Variants in MECR observed in about 807,000 individuals in gnomAD.
MECR encodes the protein enoyl-[acyl-carrier-protein] reductase, mitochondrial.
In MECR, 37 loss-of-function variants were observed where a neutral mutation model predicts 49.1. That is an observed-to-expected ratio of 0.75 (90% confidence interval 0.58 to 0.99). MECR has a LOEUF of 0.99. MECR is among the 50% of genes least tolerant of loss of function. The probability of loss-of-function intolerance (pLI) is 0.00; values close to 1 mark genes in which losing one functional copy is unlikely to be tolerated. For synonymous variants in MECR, 198 were observed against 191.1 expected, an observed-to-expected ratio of 1.04 and a Z score of -0.30; for missense variants, 470 against 479.6, an observed-to-expected ratio of 0.98 and a Z score of 0.19.
intron 5 of MECR, 139 bp from the exon 6 acceptor site, chr1:29,202,184 A>G: frequency 1.4e-6 from 1 of 711,320 alleles, no homozygotes; most frequent in Non-Finnish European, 2.4e-6. Flanking sequence ...AGGCTTGAGC[A>G]GGGACCAGCC....
chr1:29,174,287 A>C, the MECR span, among the ~76,000 whole-genome samples: 3 of 152,228 alleles, frequency 2.0e-5, no homozygotes, highest in African/African-American at 7.2e-5. Flanking sequence ...TGGAATAGCT[A>C]GCAAAAGCAT....
the MECR span, among the ~76,000 whole-genome samples, chr1:29,182,964 A>G: frequency 6.6e-6 from 1 of 152,244 alleles, no homozygotes; most frequent in Non-Finnish European, 1.5e-5. Flanking sequence ...GAAACATGGT[A>G]AGAGCTCAAT....
the MECR span, among the ~76,000 whole-genome samples, chr1:29,187,348 G>C: frequency 6.6e-6 from 1 of 151,860 alleles, no homozygotes; most frequent in Non-Finnish European, 1.5e-5. Flanking sequence ...GAGTAGCTGG[G>C]ACTACAGGCA....
At chr1:29,189,245 T>C (rs1279466364), downstream of MECR, among the ~76,000 whole-genome samples, 1 of 144,234 alleles carries the variant, frequency 6.9e-6, no homozygotes, top group African/African-American at 2.9e-5. Flanking sequence ...CGAATTTTTA[T>C]ATTTTTAGTA....
In MECR at chr1:29,216,481, C is replaced by T. The variant is rs921106901; in HGVS notation, c.274+107G>A. 12 of 1,145,574 alleles carry T rather than the reference C, an allele frequency of 1.0e-5. No homozygotes were observed. In the African/African-American group the frequency reaches 1.8e-4, roughly 17 times the overall value. 71.0% of individuals were successfully genotyped at this position (1,145,574 alleles called of 1,614,324 possible). A position where few individuals can be genotyped will look rare whatever the true frequency, so the allele number is the denominator to read the frequency against. On this transcript the variant is annotated intron_variant, in intron 2 of 9. Transcript: ENST00000263702. ...TGCAGACGGCTCATCTGGAGAACAG[C>T]TGCTGCTAATCACAGGCATTTCACA...
At chr1:29,216,312 A>G (rs575874148) in intron 2 of MECR, among the ~76,000 whole-genome samples, 176 bp from the exon 3 acceptor site, 128 of 152,336 alleles carry the variant, frequency 8.4e-4, no homozygotes, top group African/African-American at 2.9e-3. Context: ...TTTAGTGTTC[A>G]TGGTTATCAT....
the MECR span, among the ~76,000 whole-genome samples, chr1:29,184,437 C>A: frequency 6.6e-6 from 1 of 152,284 alleles, no homozygotes; most frequent in South Asian, 2.1e-4. Flanking sequence ...GCCACCGCGC[C>A]CGGCAAGAAA....
chr1:29,221,404 A>G (rs1282374946), intron 1 of MECR, among the ~76,000 whole-genome samples: 1 of 152,204 alleles, frequency 6.6e-6, no homozygotes, highest in African/African-American at 2.4e-5. Context: ...TTTGAAGGAT[A>G]AATAGGCATT....
the MECR span, among the ~76,000 whole-genome samples, chr1:29,182,210 G>A: frequency 6.6e-6 from 1 of 152,232 alleles, no homozygotes; most frequent in South Asian, 2.1e-4. Context: ...GTGTGGTTTG[G>A]ATTTCGGAGC....
rs765731318 is a variant in MECR at position 29,216,092 on chromosome 1, C to T, written c.319G>A (p.Glu107Lys). The change falls in exon 3 of 10, where the codon GAA becomes AAA. Residue 107 changes from glutamate to lysine, a missense_variant. Transcript: ENST00000263702. ...LPELPAVGGN[E>K]GVAQVVAVGS... Reference sequence around the variant, plus strand: ...ACCGCTACCACCTGTGCAACACCTTCGTTCCCTCCAACAGCAGGCAGTTCA... The same window carrying T: ...ACCGCTACCACCTGTGCAACACCTTTGTTCCCTCCAACAGCAGGCAGTTCA... 34 of 1,613,912 alleles carry T rather than the reference C, an allele frequency of 2.1e-5. No homozygotes were observed. Among genetic ancestry groups the T allele is most frequent in the Admixed American group, 5.0e-5 (3 of 59,986 alleles).
rs137895779 is a variant in MECR at position 29,194,083 on chromosome 1, T to C, written c.1061A>G (p.Gln354Arg). The C allele has an allele frequency of 9.9e-6, 16 of 1,614,016 alleles. No individual in the cohort carries two copies. The African/African-American group carries it at 2.1e-4, about 22-fold the overall frequency. Residue 354 changes from glutamine to arginine, a missense_variant, in exon 10 of 10, where the codon CAG (glutamine) becomes CGG (arginine). Coordinates refer to ENST00000263702, the MANE Select transcript of MECR (RefSeq NM_016011.5). Reference protein sequence around the residue: ...ACSQVPLQDYQSALEASMKPF... With the variant: ...ACSQVPLQDYRSALEASMKPF... ...CTTCATGGAGGCTTCCAAGGCAGAC[T>C]GGTAGTCCTGCAGCGGGACCTGGGA...
intron 3 of MECR, among the ~76,000 whole-genome samples, chr1:29,212,259 A>C (rs1316846863): frequency 6.6e-6 from 1 of 152,078 alleles, no homozygotes; most frequent in Non-Finnish European, 1.5e-5. Flanking sequence ...TCTCTACTAA[A>C]AGTACAAAAA....
At chr1:29,169,818 T>A in the MECR span, 2 of 152,156 alleles carry the variant, frequency 1.3e-5, no homozygotes, top group Non-Finnish European at 2.9e-5. Context: ...AGAACAATCA[T>A]TATCCTAAAC....
At chr1:29,178,608 G>A in the MECR span, among the ~76,000 whole-genome samples, 5 of 151,794 alleles carry the variant, frequency 3.3e-5, no homozygotes, top group Non-Finnish European at 5.9e-5. Context: ...TGCCCGCCTC[G>A]GCCTCCCAAA....
chr1:29,186,271 C>T, the MECR span, among the ~76,000 whole-genome samples: 2 of 152,206 alleles, frequency 1.3e-5, no homozygotes, highest in Non-Finnish European at 2.9e-5. Context: ...TAAACTAGTT[C>T]AGGCCTCATC....
the MECR span, among the ~76,000 whole-genome samples, chr1:29,181,261 T>G: frequency 6.6e-6 from 1 of 152,188 alleles, no homozygotes; most frequent in Non-Finnish European, 1.5e-5. Context: ...TTATTTCCAG[T>G]AGTCCTCAGA....
chr1:29,216,054 C>A lies in MECR; in HGVS notation c.357G>T (p.Val119=). The part of the protein sequence containing the change: ...VAQVVAVGSN[V]TGLKPGDWVI... ...CCCAGTCTCCTGGCTTCAGCCCGGT[C>A]ACATTGCTGCCCACCGCTACCACCT... Residue 119 remains valine, a synonymous_variant, in exon 3 of 10, where the codon GTG becomes GTT. Transcript: ENST00000263702. The A allele has an allele frequency of 6.2e-7, 1 of 1,614,092 alleles. No individual in the cohort carries two copies. Among genetic ancestry groups the A allele is most frequent in the South Asian group, 1.1e-5 (1 of 91,064 alleles).
chr1:29,181,069 C>T, the MECR span, among the ~76,000 whole-genome samples: 1 of 152,154 alleles, frequency 6.6e-6, no homozygotes, highest in African/African-American at 2.4e-5. Flanking sequence ...GCTTTCAGCA[C>T]GGCAAGACGA....
intron 1 of MECR, chr1:29,228,913 A>C (rs1473901676): frequency 3.9e-5 from 6 of 152,206 alleles, no homozygotes; most frequent in Non-Finnish European, 8.8e-5. Flanking sequence ...GCAGACACAA[A>C]CTACAAGTCC....
Sources: gnomAD v4.1 joint callset for allele counts (sites outside exome capture counted in the v4.1 genomes callset) on GRCh38, gnomAD v4.1.1 for gene constraint, MANE v1.5 for transcripts, NCBI Gene and HGNC (gene_info 2026-07-23, HGNC 2026-07-21) for gene names.